The following SHISA9 variants were observed in gnomAD, a reference collection of about 807,000 sequenced individuals.
SHISA9 encodes the protein shisa family member 9, also known as protein shisa-9.
A neutral mutation model predicts 38.0 loss-of-function variants in SHISA9; 13 were observed. That is an observed-to-expected ratio of 0.34 (90% CI 0.22 to 0.54). The LOEUF is 0.54. Among genes scored for constraint, SHISA9 ranks in the 20% least tolerant of loss-of-function variants. SHISA9 has a pLI of 0.91. For synonymous variants in SHISA9, 275 were observed against 242.0 expected, an observed-to-expected ratio of 1.14 and a Z score of -1.27; for missense variants, 538 against 575.8, an observed-to-expected ratio of 0.93 and a Z score of 0.67.
intron 2 of SHISA9, among the ~76,000 whole-genome samples, chr16:13,187,328 C>CTTTTTTTT (rs372286181): frequency 7.4e-4 from 67 of 90,662 alleles, no homozygotes; most frequent in Non-Finnish European, 1.2e-3. Context: ...CTTTTCTTTT[C>CTTTTTTTT]TTTTTTTTTT....
chr16:13,044,291 C>G (rs2073163665), intron 2 of SHISA9, among the ~76,000 whole-genome samples: 1 of 152,146 alleles, frequency 6.6e-6, no homozygotes, highest in African/African-American at 2.4e-5. Flanking sequence ...ACTTTTGCAC[C>G]AAATTCCTCT....
the SHISA9 span, among the ~76,000 whole-genome samples, chr16:13,429,578 ACTT>A: frequency 3.9e-5 from 6 of 152,184 alleles, no homozygotes; most frequent in East Asian, 1.9e-4. Flanking sequence ...CTCCAGCATC[ACTT>A]CTTCTTAACT....
At chr16:13,200,442 AGCAGCAGCAG>A (rs796855330) in intron 2 of SHISA9, among the ~76,000 whole-genome samples, 77 of 132,358 alleles carry the variant, frequency 5.8e-4, no homozygotes, top group African/African-American at 2.1e-3. Context: ...ACACACACAC[AGCAGCAGCAG>A]CAGCAGCAGC....
chr16:13,210,161 C>T (rs1001613929), intron 3 of SHISA9, among the ~76,000 whole-genome samples: 3 of 152,158 alleles, frequency 2.0e-5, no homozygotes, highest in African/African-American at 7.2e-5. Context: ...ATTGGTACTT[C>T]CAGAACTGGA....
chr16:13,028,447 G>A lies in SHISA9; in HGVS notation c.691+111632G>A, dbSNP rs967054534. ...GGGAGGCCTCACAATCATGGTGGAA[G>A]GTGAAAGACACGTCTTACATGGTGG... On this transcript the variant is annotated intron_variant, in intron 2 of 4. Transcript: ENST00000558583. Among the ~76,000 whole-genome samples the A allele has an allele frequency of 4.6e-5, 7 of 152,104 alleles. 1 individual carries two copies. The highest frequency in any genetic ancestry group is 1.7e-4 in the African/African-American group (7 of 41,412).
chr16:13,251,380 G>A, the SHISA9 span, among the ~76,000 whole-genome samples: 2 of 152,202 alleles, frequency 1.3e-5, no homozygotes, highest in Non-Finnish European at 2.9e-5. Flanking sequence ...GGTGTACCCA[G>A]TTAGCACCTG....
intron 2 of SHISA9, among the ~76,000 whole-genome samples, chr16:13,086,353 C>CAAAAAAAAAAAAAAAAAAAAAAAAAA (rs767516512): frequency 2.0e-5 from 1 of 50,966 alleles, no homozygotes; most frequent in Non-Finnish European, 3.9e-5. Context: ...GATTCCATCT[C>CAAAAAAAAAAAAAAAAAAAAAAAAAA]AAAAAAAAAA....
intron 2 of SHISA9, among the ~76,000 whole-genome samples, chr16:12,999,464 T>C (rs2072497828): frequency 6.6e-6 from 1 of 152,212 alleles, no homozygotes; most frequent in South Asian, 2.1e-4. Context: ...TATGAATACA[T>C]TTTAGTGAGT....
chr16:13,495,710 G>C, the SHISA9 span, among the ~76,000 whole-genome samples: 2 of 151,836 alleles, frequency 1.3e-5, no homozygotes, highest in Non-Finnish European at 2.9e-5. Flanking sequence ...TATTATAAAA[G>C]AGAATTGAGA....
chr16:13,335,626 C>A, the SHISA9 span, among the ~76,000 whole-genome samples: 1 of 152,224 alleles, frequency 6.6e-6, no homozygotes, highest in African/African-American at 2.4e-5. Flanking sequence ...ATGAACCAGT[C>A]ACACACTTTC....
chr16:13,180,373 C>G (rs941975706), intron 2 of SHISA9, among the ~76,000 whole-genome samples: 1 of 152,176 alleles, frequency 6.6e-6, no homozygotes, highest in African/African-American at 2.4e-5. Context: ...GGGAGCCTGT[C>G]CATGGCTGAC....
chr16:13,117,178 G>A (rs1257849072), intron 2 of SHISA9, among the ~76,000 whole-genome samples: 1 of 152,152 alleles, frequency 6.6e-6, no homozygotes, highest in Admixed American at 6.5e-5. Flanking sequence ...GTTTCACCAT[G>A]TTGGCCAGGA....
chr16:13,305,908 C>A, the SHISA9 span, among the ~76,000 whole-genome samples: 1 of 152,146 alleles, frequency 6.6e-6, no homozygotes, highest in Non-Finnish European at 1.5e-5. Flanking sequence ...TCATACATAT[C>A]CTTTGCTAGA....
intron 2 of SHISA9, among the ~76,000 whole-genome samples, chr16:13,155,896 G>A (rs904632895): frequency 9.9e-5 from 15 of 151,710 alleles, no homozygotes; most frequent in African/African-American, 3.6e-4. Context: ...GAATGTGCTT[G>A]GAAACAGTTG....
the SHISA9 span, among the ~76,000 whole-genome samples, chr16:13,297,578 C>A: frequency 6.6e-6 from 1 of 152,056 alleles, no homozygotes; most frequent in Non-Finnish European, 1.5e-5. Flanking sequence ...GGATTCCCAG[C>A]AAGAACGGAG....
chr16:13,139,230 C>A (rs751697154), intron 2 of SHISA9, among the ~76,000 whole-genome samples: 9 of 150,092 alleles, frequency 6.0e-5, no homozygotes, highest in Non-Finnish European at 1.2e-4. Flanking sequence ...CACTCCCTTC[C>A]TTTCTTCTTG....
the SHISA9 span, among the ~76,000 whole-genome samples, chr16:13,355,816 G>A: frequency 3.9e-5 from 6 of 152,278 alleles, no homozygotes; most frequent in South Asian, 4.2e-4. Flanking sequence ...CGAGGCGATC[G>A]GGCAGTGTCA....
At chr16:13,343,835 A>C in the SHISA9 span, among the ~76,000 whole-genome samples, 3 of 152,168 alleles carry the variant, frequency 2.0e-5, no homozygotes, top group African/African-American at 7.2e-5. Flanking sequence ...CATCTTGAGA[A>C]GCTTTTGTTA....
downstream of SHISA9, among the ~76,000 whole-genome samples, chr16:13,243,681 A>G (rs777933555): frequency 6.6e-6 from 1 of 151,338 alleles, no homozygotes; most frequent in Non-Finnish European, 1.5e-5. Context: ...GACAGGTATA[A>G]TGAGGCATGT....
Sources: allele counts gnomAD v4.1 joint callset (sites outside exome capture counted in the v4.1 genomes callset), GRCh38; gene constraint gnomAD v4.1.1; transcripts MANE v1.5; gene names NCBI Gene and HGNC (gene_info 2026-07-23, HGNC 2026-07-21).